CCDC30: variants seen among roughly 807,000 people sequenced by gnomAD.
CCDC30 encodes coiled-coil domain-containing protein 30.
CCDC30 carries 70 observed loss-of-function variants against 100.2 expected under a neutral mutation model. The ratio of observed to expected loss-of-function variants is 0.70; its 90% CI spans 0.58 to 0.85. CCDC30 has a LOEUF of 0.85. CCDC30 is among the 40% of genes least tolerant of loss of function. The pLI, the probability that CCDC30 is intolerant of heterozygous loss-of-function variation, is 0.00. For synonymous variants in CCDC30, 233 were observed against 269.5 expected (o/e 0.86, Z 1.33); for missense variants, 652 against 771.2 (o/e 0.85, Z 1.83).
intron 4 of CCDC30, among the ~76,000 whole-genome samples, chr1:42,490,504 A>T (rs1481910349): frequency 1.3e-5 from 2 of 151,358 alleles, no homozygotes; most frequent in Non-Finnish European, 2.9e-5. Context: ...AATTAAAATA[A>T]TAAGTACTAC....
At chr1:42,478,295 C>T (rs369802647) in intron 1 of CCDC30, among the ~76,000 whole-genome samples, 12 of 151,866 alleles carry the variant, frequency 7.9e-5, no homozygotes, top group East Asian at 3.9e-4. Context: ...AGAATGAGAA[C>T]GAAAACAAGG....
chr1:42,508,133 G>A (rs887968308), intron 6 of CCDC30, among the ~76,000 whole-genome samples: 1 of 152,208 alleles, frequency 6.6e-6, no homozygotes, highest in Non-Finnish European at 1.5e-5. Context: ...AGACCTTGGA[G>A]GAACACGACT....
intron 11 of CCDC30, among the ~76,000 whole-genome samples, chr1:42,622,367 T>C (rs1039707538): frequency 6.6e-5 from 10 of 152,238 alleles, no homozygotes; most frequent in African/African-American, 1.2e-4. Flanking sequence ...CTTGCCAATA[T>C]TGGCTATTGT....
intron 6 of CCDC30, among the ~76,000 whole-genome samples, chr1:42,527,343 G>A (rs1215028680): frequency 1.3e-5 from 2 of 152,178 alleles, no homozygotes; most frequent in African/African-American, 4.8e-5. Context: ...GATGTTGGGA[G>A]CACACTTTGG....
At chr1:42,570,064 A>G (rs1040801172) in intron 7 of CCDC30, among the ~76,000 whole-genome samples, 1 of 152,258 alleles carries the variant, frequency 6.6e-6, no homozygotes, top group African/African-American at 2.4e-5. Flanking sequence ...ACCGTGGCAC[A>G]TGTATACCTA....
At chr1:42,649,004 A>G (rs1348409290) in intron 15 of CCDC30, among the ~76,000 whole-genome samples, 1 of 152,190 alleles carries the variant, frequency 6.6e-6, no homozygotes, top group African/African-American at 2.4e-5. Flanking sequence ...CCATGAAGAA[A>G]TAGAAAACTT....
intron 11 of CCDC30, among the ~76,000 whole-genome samples, chr1:42,621,603 C>T (rs1331518730): frequency 6.6e-6 from 1 of 152,058 alleles, no homozygotes; most frequent in African/African-American, 2.4e-5. Flanking sequence ...GCTCCGCCTC[C>T]CGGGTTCACG....
At chr1:42,581,319 C>T (rs767836788) in intron 8 of CCDC30, 41 bp from the exon 13 acceptor site, 3 of 1,527,464 alleles carry the variant, frequency 2.0e-6, no homozygotes, top group Non-Finnish European at 2.7e-6. Context: ...AAAGGTCACA[C>T]TCTTCTTAAT....
At chr1:42,472,462 T>C (rs1481154446) in intron 1 of CCDC30, among the ~76,000 whole-genome samples, 1 of 152,170 alleles carries the variant, frequency 6.6e-6, no homozygotes, top group Non-Finnish European at 1.5e-5. Context: ...TAAGACATAT[T>C]CTGTGAGTAA....
intron 6 of CCDC30, among the ~76,000 whole-genome samples, chr1:42,512,879 A>G (rs6600408): frequency 0.39 from 58,552 of 151,890 alleles, 11,745 homozygotes; most frequent in East Asian, 0.59. Context: ...TCCTCAGTAC[A>G]CCTCACCCCT....
chr1:42,593,613 C>A (rs928470931), intron 10 of CCDC30: 1 of 152,174 alleles, frequency 6.6e-6, no homozygotes, highest in African/African-American at 2.4e-5. Flanking sequence ...TATAATGGTA[C>A]CCCTGGCAAC....
chr1:42,541,716 A>G (rs748896301), intron 6 of CCDC30, among the ~76,000 whole-genome samples: 12 of 152,246 alleles, frequency 7.9e-5, no homozygotes, highest in Non-Finnish European at 1.2e-4. Flanking sequence ...ACTTTTACTC[A>G]TTAAAAGTTT....
intron 11 of CCDC30, among the ~76,000 whole-genome samples, chr1:42,612,410 C>G (rs1163407226): frequency 6.6e-6 from 1 of 152,218 alleles, no homozygotes; most frequent in African/African-American, 2.4e-5. Flanking sequence ...GCAGCAGCTG[C>G]AATGTTGTTC....
chr1:42,651,473 A>T (rs932057288), intron 15 of CCDC30, among the ~76,000 whole-genome samples: 16 of 152,172 alleles, frequency 1.1e-4, no homozygotes, highest in African/African-American at 3.6e-4. Context: ...ATATATGAAA[A>T]AAAAAAAGCT....
downstream of CCDC30, among the ~76,000 whole-genome samples, chr1:42,656,840 T>C (rs980246431): frequency 2.8e-4 from 43 of 152,116 alleles, no homozygotes; most frequent in Non-Finnish European, 5.4e-4. Context: ...GCTTAATAAA[T>C]GCTATCATCA....
At chr1:42,642,589 G>A (rs1313009985) in exon 13 of CCDC30, 29 of 1,597,686 alleles carry the variant, frequency 1.8e-5, no homozygotes, top group Admixed American at 3.4e-5. Context: ...ACAAATGGAC[G>A]ATATCTTCCA....
At chr1:42,561,406 C>G (rs1294571665) in intron 6 of CCDC30, among the ~76,000 whole-genome samples, 1 of 152,100 alleles carries the variant, frequency 6.6e-6, no homozygotes, top group East Asian at 1.9e-4. Context: ...AATTCAACAT[C>G]CCTTCATGTT....
chr1:42,560,008 C>A (rs1645453873), intron 6 of CCDC30, among the ~76,000 whole-genome samples: 1 of 152,112 alleles, frequency 6.6e-6, no homozygotes, highest in South Asian at 2.1e-4. Flanking sequence ...CATGCAATTT[C>A]ATGGAAATTG....
At chr1:42,591,788 C>T (rs888111041) in intron 10 of CCDC30, 2 of 152,396 alleles carry the variant, frequency 1.3e-5, no homozygotes, top group African/African-American at 4.8e-5. Flanking sequence ...CCTCAGACAC[C>T]CAGCTCCAAC....
Sources: gnomAD v4.1 joint callset for allele counts (sites outside exome capture counted in the v4.1 genomes callset) on GRCh38, gnomAD v4.1.1 for gene constraint, MANE v1.5 for transcripts, NCBI Gene and HGNC (gene_info 2026-07-23, HGNC 2026-07-21) for gene names.